Variants in TEAD1 observed in about 807,000 individuals in gnomAD.
The protein encoded by TEAD1 is TEA domain transcription factor 1.
In TEAD1, 9 loss-of-function variants were observed where a neutral mutation model predicts 54.9. The ratio of observed to expected loss-of-function variants is 0.16; its 90% CI spans 0.10 to 0.29. The LOEUF is 0.29. TEAD1 is among the 10% of genes least tolerant of loss of function. The probability of loss-of-function intolerance (pLI) is 1.00; values close to 1 mark genes in which losing one functional copy is unlikely to be tolerated. For missense variants in TEAD1, 387 were observed against 535.9 expected, an observed-to-expected ratio of 0.72 and a Z score of 2.74; for synonymous variants, 200 against 187.8, an observed-to-expected ratio of 1.07 and a Z score of -0.53.
intron 3 of TEAD1, among the ~76,000 whole-genome samples, chr11:12,856,701 G>A (rs755585504): frequency 2.0e-5 from 3 of 152,162 alleles, no homozygotes; most frequent in African/African-American, 7.2e-5. Flanking sequence ...ATGGAAGAAC[G>A]GGGTGGAGAA....
intron 3 of TEAD1, among the ~76,000 whole-genome samples, chr11:12,843,255 ATGT>A (rs768555865): frequency 5.3e-5 from 8 of 152,158 alleles, no homozygotes; most frequent in Non-Finnish European, 1.0e-4. Context: ...AGGGTAGGTA[ATGT>A]TGTCAGATCT....
intron 2 of TEAD1, among the ~76,000 whole-genome samples, chr11:12,705,467 C>T (rs1266198858): frequency 6.6e-6 from 1 of 152,148 alleles, no homozygotes; most frequent in Non-Finnish European, 1.5e-5. Flanking sequence ...TTACCATCCA[C>T]CTTGATAGGA....
At chr11:12,819,947 C>T (rs1262392069) in intron 3 of TEAD1, among the ~76,000 whole-genome samples, 1 of 151,668 alleles carries the variant, frequency 6.6e-6, no homozygotes, top group African/African-American at 2.4e-5. Context: ...CAGTTTCTCA[C>T]ACCTCCTGGG....
intron 3 of TEAD1, among the ~76,000 whole-genome samples, chr11:12,794,543 G>A (rs529831697): frequency 3.9e-5 from 6 of 152,296 alleles, no homozygotes; most frequent in African/African-American, 1.4e-4. Flanking sequence ...TGAGGGCCAG[G>A]GTCACAATGA....
At chr11:12,837,308 A>G (rs1946913194) in intron 3 of TEAD1, among the ~76,000 whole-genome samples, 2 of 152,120 alleles carry the variant, frequency 1.3e-5, no homozygotes, top group African/African-American at 2.4e-5. Flanking sequence ...CAAACAAGAA[A>G]AGGGCTTTCT....
chr11:12,866,032 A>G (rs2134073465), intron 5 of TEAD1, among the ~76,000 whole-genome samples: 1 of 152,276 alleles, frequency 6.6e-6, no homozygotes, highest in Admixed American at 6.5e-5. Flanking sequence ...GGAATAGGAC[A>G]AGTGATTAGG....
rs1949117403 is a variant in TEAD1 at position 12,937,200 on chromosome 11, T to C, written c.1259T>C (p.Ile420Thr). 6.2e-7 allele frequency: 1 copy of C among 1,613,774 alleles called. No individual in the cohort carries two copies. The highest frequency in any genetic ancestry group is 1.3e-5 in the African/African-American group (1 of 75,030). The stretch of plus-strand genomic sequence containing the variant: ...AGTGAACACGGAGCACAACATCATA[T>C]TTACAGGCTTGTAAAGGACTGAACA... The change falls in exon 13 of 13, where the codon ATT becomes ACT. Residue 420 changes from isoleucine (I) to threonine (T), a missense_variant. Around this residue, in one of 5 missense-constraint regions of TEAD1, gnomAD observed 123 missense variants for 199.0 expected, o/e 0.62. Transcript: ENST00000527636.
chr11:12,743,476 A>G (rs1944686211), intron 2 of TEAD1, among the ~76,000 whole-genome samples: 1 of 152,192 alleles, frequency 6.6e-6, no homozygotes. Flanking sequence ...GGGAACCAAT[A>G]TAATTAGTAT....
chr11:12,783,954 C>G (rs1475054328), intron 3 of TEAD1, among the ~76,000 whole-genome samples: 1 of 151,946 alleles, frequency 6.6e-6, no homozygotes, highest in Non-Finnish European at 1.5e-5. Context: ...GATGGGAGCC[C>G]TTGTTTTTAG....
At chr11:12,889,838 C>T (rs573227253) in intron 9 of TEAD1, among the ~76,000 whole-genome samples, 1 of 152,222 alleles carries the variant, frequency 6.6e-6, no homozygotes, top group Admixed American at 6.5e-5. Context: ...TGTCCCATCT[C>T]AGCCTACCAA....
rs1195002060 is a variant in TEAD1, at chr11:12,940,099, G to A, written c.*2877G>A. The A allele has an allele frequency of 6.6e-6, 1 of 152,298 alleles. No homozygotes were observed. The highest frequency in any genetic ancestry group is 1.5e-5 in the Non-Finnish European group (1 of 68,112). 9.4% of individuals were successfully genotyped at this position (152,298 alleles called of 1,614,324 possible). A position where few individuals can be genotyped will look rare whatever the true frequency, so the allele number is the denominator to read the frequency against. ...AGGCCAGTTTTCCACAGCCTAAACA[G>A]GGAGGAGCTGCAGAATGGGGCTCTG... On this transcript the variant is annotated 3_prime_UTR_variant, in exon 13 of 13. Transcript: ENST00000527636.
At chr11:12,793,615 G>T (rs549220203) in intron 3 of TEAD1, among the ~76,000 whole-genome samples, 3 of 152,130 alleles carry the variant, frequency 2.0e-5, no homozygotes, top group Non-Finnish European at 4.4e-5. Context: ...TTTTGTTGCA[G>T]ATACCTCAAG....
At chr11:12,746,140 C>T (rs1944741852) in intron 2 of TEAD1, among the ~76,000 whole-genome samples, 1 of 152,188 alleles carries the variant, frequency 6.6e-6, no homozygotes, top group South Asian at 2.1e-4. Context: ...TTTGAAATAT[C>T]CAGGCTGGGC....
intron 9 of TEAD1, among the ~76,000 whole-genome samples, chr11:12,898,799 A>G (rs573986162): frequency 6.6e-6 from 1 of 152,222 alleles, no homozygotes; most frequent in South Asian, 2.1e-4. Context: ...TTATATCCCC[A>G]TTGCACATAT....
chr11:12,938,440 A>G lies in TEAD1; in HGVS notation c.*1218A>G, dbSNP rs2134180459. 6.6e-6 allele frequency: 1 copy of G among 152,614 alleles called. No individual in the cohort carries two copies. Among genetic ancestry groups the G allele is most frequent in the East Asian group, 1.9e-4 (1 of 5,196 alleles). 9.5% of individuals were successfully genotyped at this position (152,614 alleles called of 1,614,324 possible). A position where few individuals can be genotyped will look rare whatever the true frequency, so the allele number is the denominator to read the frequency against. Reference sequence around the variant, plus strand: ...TGTGTAGGTATGTGTATACATATACACAAATGCACATATAGAGTTAACACA... The same window carrying G: ...TGTGTAGGTATGTGTATACATATACGCAAATGCACATATAGAGTTAACACA... On this transcript the variant is annotated 3_prime_UTR_variant, in exon 13 of 13. Coordinates refer to ENST00000527636, the MANE Select transcript of TEAD1 (RefSeq NM_021961.6).
At chr11:12,800,182 C>T (rs180996280) in intron 3 of TEAD1, among the ~76,000 whole-genome samples, 1 of 152,216 alleles carries the variant, frequency 6.6e-6, no homozygotes, top group African/African-American at 2.4e-5. Flanking sequence ...ACAAAAATGT[C>T]CGTGGATGAT....
intron 9 of TEAD1, among the ~76,000 whole-genome samples, chr11:12,899,304 T>TAAAG (rs150246495): frequency 0.97 from 148,114 of 152,142 alleles, 72,212 homozygotes; most frequent in Middle Eastern, 1. Context: ...GTCTAGGTAA[T>TAAAG]AAACAATGCC....
At chr11:12,884,745 A>G (rs1948051410) in intron 9 of TEAD1, among the ~76,000 whole-genome samples, 1 of 152,206 alleles carries the variant, frequency 6.6e-6, no homozygotes, top group Non-Finnish European at 1.5e-5. Context: ...TATTCAGACC[A>G]GGAAAGAGAA....
In TEAD1 at chr11:12,827,379, T is replaced by C. The variant is rs7929186; in HGVS notation, c.203-34871T>C. Among the ~76,000 whole-genome samples, 1,405 of 152,364 alleles carry C rather than the reference T, an allele frequency of 9.2e-3. 17 individuals carry two copies. Among genetic ancestry groups the C allele is most frequent in the African/African-American group, 0.032 (1,331 of 41,588 alleles). ...CTGAGTTTTCAAATAGATGAAGTTA[T>C]AGAATCATATTCATATCAAAGGAAG... is the stretch of plus-strand genomic sequence containing the variant. On this transcript the variant is annotated intron_variant, in intron 3 of 12. Coordinates refer to ENST00000527636, the MANE Select transcript of TEAD1 (RefSeq NM_021961.6).
Sources: gnomAD v4.1 joint callset for allele counts (sites outside exome capture counted in the v4.1 genomes callset) on GRCh38, gnomAD v4.1.1 for gene constraint, gnomAD v4.1.1 regional missense constraint, MANE v1.5 for transcripts, NCBI Gene and HGNC (gene_info 2026-07-23, HGNC 2026-07-21) for gene names.